The following ANKS1A variants were observed in gnomAD, a reference collection of about 807,000 sequenced individuals.
ANKS1A encodes the protein ankyrin repeat and SAM domain-containing protein 1A.
A neutral mutation model predicts 120.3 loss-of-function variants in ANKS1A; 55 were observed. That is an observed-to-expected ratio of 0.46 (90% CI 0.37 to 0.57). The LOEUF is 0.57. Ranked by LOEUF, ANKS1A falls within the 20% of genes least tolerant of loss-of-function variation. ANKS1A has a pLI of 0.00. For missense variants in ANKS1A, 1,123 were observed against 1,480.3 expected, an observed-to-expected ratio of 0.76 and a Z score of 3.96; for synonymous variants, 590 against 604.7, an observed-to-expected ratio of 0.98 and a Z score of 0.36.
At chr6:34,954,397 C>T (rs1024315652) in intron 1 of ANKS1A, among the ~76,000 whole-genome samples, 4 of 151,984 alleles carry the variant, frequency 2.6e-5, no homozygotes, top group African/African-American at 4.8e-5. Flanking sequence ...ATTCACATTG[C>T]GGACAAGAAA....
rs892907438 is a variant in ANKS1A at position 35,050,468 on chromosome 6, C to A, written c.2011-3631C>A. On this transcript the variant is annotated intron_variant, in intron 11 of 23. Transcript: ENST00000360359. This position sits in a 1 kb window ranked among gnomAD's most constrained non-coding sequence, Gnocchi z 4.3. Reference sequence around the variant, plus strand: ...GTCCATTACACTTAACCTGCCTCTTCCCCTGAAATGCAGACCATTTCTGGG... The same window carrying A: ...GTCCATTACACTTAACCTGCCTCTTACCCTGAAATGCAGACCATTTCTGGG... 2.0e-5 allele frequency among the ~76,000 whole-genome samples: 3 copies of A among 152,146 alleles called. No individual in the cohort carries two copies. The highest frequency in any genetic ancestry group is 6.5e-5 in the Admixed American group (1 of 15,288).
At chr6:34,981,321 A>T (rs1771894218) in intron 3 of ANKS1A, among the ~76,000 whole-genome samples, 1 of 152,222 alleles carries the variant, frequency 6.6e-6, no homozygotes, top group South Asian at 2.1e-4. Context: ...AAACCATTTG[A>T]AGTTTAAACT....
Position 35,060,386 on chromosome 6 carries a change from A to C in ANKS1A, c.2184+133A>C. ...ATCCCAGGGAAAGCTCACTGAGGTC[A>C]CTCAGACACCAGGAAGTCAGCCAGG... On this transcript the variant is annotated intron_variant, in intron 13 of 23. Coordinates refer to ENST00000360359, the MANE Select transcript of ANKS1A (RefSeq NM_015245.3). The surrounding 1 kb of genome is among the most constrained non-coding windows in gnomAD (Gnocchi z 4.5). The C allele has an allele frequency of 1.4e-6, 1 of 733,336 alleles. No homozygotes were observed. The allele number at this position is 733,336 out of a possible 1,614,324, so 45.4% of individuals were successfully genotyped here.
intron 1 of ANKS1A, among the ~76,000 whole-genome samples, chr6:34,893,365 G>C (rs1332660554): frequency 6.6e-6 from 1 of 152,058 alleles, no homozygotes; most frequent in Non-Finnish European, 1.5e-5. Flanking sequence ...TCAAACTCCT[G>C]GGCTCAAACG....
At chr6:34,960,184 T>C (rs543801395) in intron 1 of ANKS1A, among the ~76,000 whole-genome samples, 1 of 152,324 alleles carries the variant, frequency 6.6e-6, no homozygotes, top group South Asian at 2.1e-4. Flanking sequence ...CTTTACTTTA[T>C]TCAGATATTC....
intron 11 of ANKS1A, among the ~76,000 whole-genome samples, chr6:35,046,902 GC>G (rs1276499345): frequency 1.3e-5 from 2 of 152,134 alleles, no homozygotes; most frequent in East Asian, 3.8e-4. Context: ...GTTCCCTAGT[GC>G]CTTCCTTAGC....
chr6:34,993,056 T>C (rs1461372887), intron 9 of ANKS1A, among the ~76,000 whole-genome samples: 1 of 152,172 alleles, frequency 6.6e-6, no homozygotes, highest in African/African-American at 2.4e-5. Context: ...GAATTGGGAA[T>C]TCCCCCTACT....
At chr6:35,052,467 T>A (rs924339833) in intron 11 of ANKS1A, among the ~76,000 whole-genome samples, 18 of 149,506 alleles carry the variant, frequency 1.2e-4, no homozygotes, top group Middle Eastern at 3.5e-3. Context: ...AAATAAAAAT[T>A]AAAAAAAATA....
Position 34,982,684 on chromosome 6 carries a change from T to C in ANKS1A, c.733-68T>C. The C allele has an allele frequency of 6.7e-7, 1 of 1,485,708 alleles. No individual in the cohort carries two copies. Among genetic ancestry groups the C allele is most frequent in the East Asian group, 2.3e-5 (1 of 44,174 alleles). The allele number at this position is 1,485,708 out of a possible 1,614,324, so 92.0% of individuals were successfully genotyped here. A position where few individuals can be genotyped will look rare whatever the true frequency, so the allele number is the denominator to read the frequency against. ...TGTGTCCCTTCTTGTCTGTGTCCCC[T>C]TTGTCACGTGAAGCCGCACCAAACT... On this transcript the variant is annotated intron_variant, in intron 4 of 23. Coordinates refer to ENST00000360359, the MANE Select transcript of ANKS1A (RefSeq NM_015245.3). The surrounding 1 kb of genome is among the most constrained non-coding windows in gnomAD (Gnocchi z 4.9).
chr6:34,915,849 C>T (rs920257171), intron 1 of ANKS1A, among the ~76,000 whole-genome samples: 16 of 152,048 alleles, frequency 1.1e-4, no homozygotes, highest in African/African-American at 3.9e-4. Flanking sequence ...GGGTTCACTC[C>T]TAGTTTAAGG....
chr6:34,992,595 T>C (rs1395284080), intron 9 of ANKS1A, among the ~76,000 whole-genome samples: 3 of 152,254 alleles, frequency 2.0e-5, no homozygotes, highest in Admixed American at 6.5e-5. Flanking sequence ...AATTCCTGCC[T>C]GTGATGCCTG....
At position 35,050,691 on chromosome 6, in the gene ANKS1A, A is replaced by G. The variant is rs566734500; in HGVS notation, c.2011-3408A>G. On this transcript the variant is annotated intron_variant, in intron 11 of 23. Transcript: ENST00000360359. This position sits in a 1 kb window ranked among gnomAD's most constrained non-coding sequence, Gnocchi z 4.3. ...AGAAGATGAGCTCCGGCTTCTCCCC[A>G]TCTGCACAGCTCAGGCTGAGGGCTT... Among the ~76,000 whole-genome samples, 10 of 152,332 alleles carry G rather than the reference A, an allele frequency of 6.6e-5. No homozygotes were observed. The highest frequency in any genetic ancestry group is 6.2e-4 in the South Asian group (3 of 4,828).
intron 11 of ANKS1A, among the ~76,000 whole-genome samples, chr6:35,035,968 T>C (rs921077677): frequency 2.6e-5 from 4 of 152,204 alleles, no homozygotes; most frequent in Non-Finnish European, 5.9e-5. Context: ...ACAAGGTTCA[T>C]TTAAAACCCC....
intron 1 of ANKS1A, among the ~76,000 whole-genome samples, chr6:34,920,311 G>A (rs1449172589): frequency 2.6e-5 from 4 of 151,874 alleles, no homozygotes; most frequent in South Asian, 4.2e-4. Context: ...GAACTTTTGC[G>A]CTCAAGCAGT....
chr6:34,981,888 A>G lies in ANKS1A; in HGVS notation c.634A>G (p.Asn212Asp), dbSNP rs1771924173. Residue 212 changes from asparagine (N) to aspartate (D), a missense_variant, in exon 4 of 24, where the codon AAC becomes GAC. By Grantham distance (23) the Asn-to-Asp change is conservative. This residue lies in a region of ANKS1A where 146 missense variants were observed against 267.8 expected (regional missense o/e 0.55). Coordinates refer to ENST00000360359, the MANE Select transcript of ANKS1A (RefSeq NM_015245.3). Reference sequence around the variant, plus strand: ...TGCACACCCCAACCTCCTGAGCTGCAACACTAAGAAGCACACCCCTCTGCA... The same window carrying G: ...TGCACACCCCAACCTCCTGAGCTGCGACACTAAGAAGCACACCCCTCTGCA... ...LNAHPNLLSC[N>D]TKKHTPLHLA... 6.2e-7 allele frequency: 1 copy of G among 1,614,058 alleles called. No individual in the cohort carries two copies. The highest frequency in any genetic ancestry group is 1.7e-5 in the Admixed American group (1 of 60,004).
chr6:35,054,986 G>A (rs1007540492), intron 12 of ANKS1A, among the ~76,000 whole-genome samples: 2 of 152,228 alleles, frequency 1.3e-5, no homozygotes, highest in African/African-American at 4.8e-5. Context: ...CTGCCCTGAA[G>A]GGGTGGAAAT....
At position 35,053,960 on chromosome 6, in the gene ANKS1A, G is replaced by C; in HGVS notation, c.2011-139G>C. ...TCTTAGACCTGAGCAGCAGAGTCCT[G>C]ATACCTTGCAGGCTGGTGCTGGTCC... is the stretch of plus-strand genomic sequence containing the variant. On this transcript the variant is annotated intron_variant, in intron 11 of 23. Coordinates refer to ENST00000360359, the MANE Select transcript of ANKS1A (RefSeq NM_015245.3). 9 of 705,362 alleles carry C rather than the reference G, an allele frequency of 1.3e-5. No individual in the cohort carries two copies. The South Asian group carries it at 1.3e-4, about 10-fold the overall frequency. 43.7% of individuals were successfully genotyped at this position (705,362 alleles called of 1,614,324 possible). A position where few individuals can be genotyped will look rare whatever the true frequency, so the allele number is the denominator to read the frequency against.
In ANKS1A at chr6:35,085,966, CT is replaced by C. The variant is rs1777953208; in HGVS notation, c.3303+31del. On this transcript the variant is annotated intron_variant, in intron 22 of 23. Transcript: ENST00000360359. The surrounding 1 kb of genome is among the most constrained non-coding windows in gnomAD (Gnocchi z 4.7). ...GTGGGCCCCACTGGCCAAGATCCCC[CT>C]CTCCCTGGCCCCAGGGATTCAAGGG... is the stretch of plus-strand genomic sequence containing the variant. The C allele has an allele frequency of 6.4e-7, 1 of 1,566,828 alleles. No homozygotes were observed. Among genetic ancestry groups the C allele is most frequent in the South Asian group, 1.2e-5 (1 of 84,482 alleles).
intron 13 of ANKS1A, among the ~76,000 whole-genome samples, chr6:35,061,594 C>T (rs1383183650): frequency 1.4e-4 from 21 of 152,236 alleles, no homozygotes. Flanking sequence ...CACCCAGAGC[C>T]ATCTCCAACT....
Sources: allele counts gnomAD v4.1 joint callset (sites outside exome capture counted in the v4.1 genomes callset), GRCh38; gene constraint gnomAD v4.1.1; regional missense constraint gnomAD v4.1.1; non-coding constraint Gnocchi (gnomAD v3.1); transcripts MANE v1.5; gene names NCBI Gene and HGNC (gene_info 2026-07-23, HGNC 2026-07-21).